MTURN: variants seen among roughly 807,000 people sequenced by gnomAD.
MTURN encodes the protein maturin.
Under a neutral mutation model 14.9 loss-of-function variants are expected in MTURN, and 7 were observed. That is an observed-to-expected ratio of 0.47 (90% CI 0.27 to 0.88). The LOEUF is 0.88. Ranked by LOEUF, MTURN falls within the 40% of genes least tolerant of loss-of-function variation. The pLI is 0.14. For missense variants in MTURN, 151 were observed against 174.1 expected, an observed-to-expected ratio of 0.87 and a Z score of 0.75; for synonymous variants, 69 against 72.5, an observed-to-expected ratio of 0.95 and a Z score of 0.25.
At chr7:30,154,901 A>G (rs1477717662) in intron 2 of MTURN, among the ~76,000 whole-genome samples, 1 of 152,162 alleles carries the variant, frequency 6.6e-6, no homozygotes, top group Non-Finnish European at 1.5e-5. Flanking sequence ...TGGAAAAAGG[A>G]ACTGCAGAAG....
chr7:30,146,107 T>C, intron 1 of MTURN, 70 bp from the exon 2 acceptor site: 1 of 1,604,256 alleles, frequency 6.2e-7, no homozygotes, highest in African/African-American at 1.3e-5. Context: ...GCTTGGCTTT[T>C]CTGAACTTCA....
In MTURN at chr7:30,155,659, G is replaced by A. The variant is rs180713117; in HGVS notation, c.286-1779G>A. Among the ~76,000 whole-genome samples, 117 of 152,334 alleles carry A rather than the reference G, an allele frequency of 7.7e-4. 1 individual carries two copies. The highest frequency in any genetic ancestry group is 6.2e-3 in the East Asian group (32 of 5,184). On this transcript the variant is annotated intron_variant, in intron 2 of 2. Transcript: ENST00000324453. Reference sequence around the variant, plus strand: ...GCTGTGGCATGCTCAGCTCTAAGGGGCGAGCGTGTGTCTGCAGTTGACTGT... The same window carrying A: ...GCTGTGGCATGCTCAGCTCTAAGGGACGAGCGTGTGTCTGCAGTTGACTGT...
rs79593352 is a variant in MTURN at position 30,140,281 on chromosome 7, A to G, written c.162+4983A>G. ...GACACGTTGGACTCTAAAATTTTGT[A>G]TAGTTTAATCCCTCCTCAGCACAAA... On this transcript the variant is annotated intron_variant, in intron 1 of 2. Transcript: ENST00000324453. Among the ~76,000 whole-genome samples, 279 of 152,232 alleles carry G rather than the reference A, an allele frequency of 1.8e-3. 2 individuals carry two copies. Among genetic ancestry groups the G allele is most frequent in the East Asian group, 0.012 (64 of 5,188 alleles).
rs569881590 is a variant in MTURN, at chr7:30,161,863, A to T, written c.*4315A>T. On this transcript the variant is annotated 3_prime_UTR_variant, in exon 3 of 3. Transcript: ENST00000324453. ...TAACAGGTATGACACAAGAAGCTGA[A>T]GTCTTTTAGATTTTATAGAGAGTAA... 6.6e-6 allele frequency: 1 copy of T among 152,274 alleles called. No individual in the cohort carries two copies. Among genetic ancestry groups the T allele is most frequent in the East Asian group, 1.9e-4 (1 of 5,188 alleles). The allele number at this position is 152,274 out of a possible 1,614,324, so 9.4% of individuals were successfully genotyped here. A position where few individuals can be genotyped will look rare whatever the true frequency, so the allele number is the denominator to read the frequency against.
intron 1 of MTURN, among the ~76,000 whole-genome samples, chr7:30,136,981 C>T (rs914304921): frequency 2.0e-5 from 3 of 152,128 alleles, no homozygotes; most frequent in African/African-American, 7.2e-5. Flanking sequence ...AATCAGAATA[C>T]CTCCAGAAGA....
intron 2 of MTURN, 89 bp downstream of exon 2, chr7:30,146,388 C>T (rs1235975318): frequency 1.9e-6 from 3 of 1,547,924 alleles, no homozygotes; most frequent in Middle Eastern, 1.8e-4. Flanking sequence ...GTGGGCAAAA[C>T]CTGGGATGAC....
Position 30,138,446 on chromosome 7 carries a change from G to A in MTURN, c.162+3148G>A, listed in dbSNP as rs951163893. On this transcript the variant is annotated intron_variant, in intron 1 of 2. Coordinates refer to ENST00000324453, the MANE Select transcript of MTURN (RefSeq NM_152793.3). Reference sequence around the variant, plus strand: ...CCATAGTTTCTACATCTGTAAAATCGGGATGATAATATTAGTACCTCCTGA... The same window carrying A: ...CCATAGTTTCTACATCTGTAAAATCAGGATGATAATATTAGTACCTCCTGA... Among the ~76,000 whole-genome samples the A allele has an allele frequency of 2.6e-5, 4 of 152,040 alleles. No homozygotes were observed. The East Asian group carries it at 5.8e-4, about 22-fold the overall frequency.
At chr7:30,150,169 T>C (rs186700034) in intron 2 of MTURN, among the ~76,000 whole-genome samples, 81 of 152,308 alleles carry the variant, frequency 5.3e-4, no homozygotes, top group Middle Eastern at 3.4e-3. Context: ...AATGGAGTTT[T>C]TGTTGGGTAC....
At chr7:30,136,698 C>CTCCAGAAGA (rs1218610324) in intron 1 of MTURN, among the ~76,000 whole-genome samples, 1 of 152,208 alleles carries the variant, frequency 6.6e-6, no homozygotes, top group Non-Finnish European at 1.5e-5. Flanking sequence ...ACAAGTGGCA[C>CTCCAGAAGA]TCCAGAAGAG....
In MTURN at chr7:30,135,041, C is replaced by T. The variant is rs1219811212; in HGVS notation, c.-96C>T. On this transcript the variant is annotated 5_prime_UTR_variant, in exon 1 of 3. Transcript: ENST00000324453. ...GGCCCAGCCCGGCCCCGGAGGAGCC[C>T]GCGCAGGCCGAGCCGAGCGCCGCGC... The T allele has an allele frequency of 2.8e-6, 3 of 1,068,796 alleles. No individual in the cohort carries two copies. Among genetic ancestry groups the T allele is most frequent in the Non-Finnish European group, 3.4e-6 (3 of 869,730 alleles). The allele number at this position is 1,068,796 out of a possible 1,614,324, so 66.2% of individuals were successfully genotyped here.
At position 30,157,613 on chromosome 7, in the gene MTURN, C is replaced by T; in HGVS notation, c.*65C>T. ...TAACCTAGGTGGGGTCACTGCCCCT[C>T]CTGGGTTAGCATTTTGCATTAGCAC... On this transcript the variant is annotated 3_prime_UTR_variant, in exon 3 of 3. Coordinates refer to ENST00000324453, the MANE Select transcript of MTURN (RefSeq NM_152793.3). 1.6e-6 allele frequency: 2 copies of T among 1,242,776 alleles called. No individual in the cohort carries two copies. Among genetic ancestry groups the T allele is most frequent in the Non-Finnish European group, 2.2e-6 (2 of 900,894 alleles). 77.0% of individuals were successfully genotyped at this position (1,242,776 alleles called of 1,614,324 possible).
chr7:30,154,052 G>C (rs1797249687), intron 2 of MTURN, among the ~76,000 whole-genome samples: 1 of 152,158 alleles, frequency 6.6e-6, no homozygotes, highest in East Asian at 1.9e-4. Flanking sequence ...GAAGGCACCA[G>C]GTTCAAGAGG....
At chr7:30,147,179 G>A (rs1294592072) in intron 2 of MTURN, among the ~76,000 whole-genome samples, 6 of 152,190 alleles carry the variant, frequency 3.9e-5, no homozygotes, top group Non-Finnish European at 8.8e-5. Flanking sequence ...TTGTAAGTCT[G>A]TTTGGTCTTC....
At chr7:30,137,785 G>A in intron 1 of MTURN, 2 of 404,204 alleles carry the variant, frequency 4.9e-6, no homozygotes, top group South Asian at 3.6e-5. Context: ...AGACAAAAGT[G>A]TGAGATCAAT....
intron 1 of MTURN, among the ~76,000 whole-genome samples, chr7:30,145,225 C>T (rs1484578755): frequency 6.6e-6 from 1 of 152,108 alleles, no homozygotes. Flanking sequence ...AAAAATAAAA[C>T]CTAGACTGGG....
At chr7:30,148,454 C>T (rs768177655) in intron 2 of MTURN, among the ~76,000 whole-genome samples, 1 of 152,202 alleles carries the variant, frequency 6.6e-6, no homozygotes, top group East Asian at 1.9e-4. Flanking sequence ...AGAGGGATGT[C>T]ACCTGACTTC....
At chr7:30,136,197 G>A (rs940508468) in intron 1 of MTURN, among the ~76,000 whole-genome samples, 6 of 152,230 alleles carry the variant, frequency 3.9e-5, no homozygotes, top group Non-Finnish European at 7.3e-5. Context: ...CGGCTCAGAG[G>A]GACCGGGAAC....
chr7:30,157,632 T>A lies in MTURN; in HGVS notation c.*84T>A. Reference sequence around the variant, plus strand: ...GCCCCTCCTGGGTTAGCATTTTGCATTAGCACTTCGAAATAGGACATCTGG... The same window carrying A: ...GCCCCTCCTGGGTTAGCATTTTGCAATAGCACTTCGAAATAGGACATCTGG... On this transcript the variant is annotated 3_prime_UTR_variant, in exon 3 of 3. Coordinates refer to ENST00000324453, the MANE Select transcript of MTURN (RefSeq NM_152793.3). The A allele has an allele frequency of 1.0e-6, 1 of 963,496 alleles. No homozygotes were observed. Among genetic ancestry groups the A allele is most frequent in the Non-Finnish European group, 1.5e-6 (1 of 667,442 alleles). The allele number at this position is 963,496 out of a possible 1,614,324, so 59.7% of individuals were successfully genotyped here.
chr7:30,142,020 C>T (rs954079867), intron 1 of MTURN, among the ~76,000 whole-genome samples: 1 of 152,156 alleles, frequency 6.6e-6, no homozygotes, highest in Non-Finnish European at 1.5e-5. Flanking sequence ...AGCTGCATAC[C>T]CACCAGGATT....
Sources: gnomAD v4.1 joint callset for allele counts (sites outside exome capture counted in the v4.1 genomes callset) on GRCh38, gnomAD v4.1.1 for gene constraint, MANE v1.5 for transcripts, NCBI Gene and HGNC (gene_info 2026-07-23, HGNC 2026-07-21) for gene names.